Variants in ACTR3C observed in about 807,000 individuals in gnomAD.
ACTR3C encodes actin-related protein 3C.
A neutral mutation model predicts 26.3 loss-of-function variants in ACTR3C; 18 were observed. The observed-to-expected ratio is 0.68, with a 90% confidence interval of 0.47 to 1.01. The LOEUF (loss-of-function observed/expected upper bound fraction) is 1.01, where lower values mean the gene tolerates loss of function less well. Among genes scored for constraint, ACTR3C ranks in the 50% least tolerant of loss-of-function variants. The probability of loss-of-function intolerance (pLI) is 0.00; values close to 1 mark genes in which losing one functional copy is unlikely to be tolerated. For synonymous variants in ACTR3C, 55 were observed against 94.5 expected, an observed-to-expected ratio of 0.58 and a Z score of 2.42; for missense variants, 184 against 250.7, an observed-to-expected ratio of 0.73 and a Z score of 1.80.
At chr7:149,992,960 G>T in the ACTR3C span, among the ~76,000 whole-genome samples, 2 of 152,018 alleles carry the variant, frequency 1.3e-5, no homozygotes, top group Admixed American at 6.6e-5. Flanking sequence ...TAGCATAAGT[G>T]CCAGAGTCCA....
the ACTR3C span, among the ~76,000 whole-genome samples, chr7:150,113,245 CA>C: frequency 0.19 from 22,660 of 122,310 alleles, 1,720 homozygotes; most frequent in African/African-American, 0.21. Context: ...TTTCTGAGGG[CA>C]AAAAAAAAAA....
intron 6 of ACTR3C, among the ~76,000 whole-genome samples, chr7:150,263,679 A>G (rs1833820704): frequency 6.6e-6 from 1 of 152,124 alleles, no homozygotes; most frequent in Non-Finnish European, 1.5e-5. Flanking sequence ...TATACCTAGA[A>G]ATATGAGACT....
rs1336515635 is a variant in ACTR3C, at chr7:150,249,065, G to A, written c.565-11C>T. 1 of 666,906 alleles carries A rather than the reference G, an allele frequency of 1.5e-6. No individual in the cohort carries two copies. The highest frequency in any genetic ancestry group is 1.6e-5 in the South Asian group (1 of 60,696). 41.3% of individuals were successfully genotyped at this position (666,906 alleles called of 1,614,324 possible). On this transcript the variant is annotated splice_polypyrimidine_tract_variant and intron_variant, in intron 6 of 7. Transcript: ENST00000683684. ...TGGAATTTGTTCCATCTGAAAAACA[G>A]AGAAAACAGTTATAGGGCAGCAGAG...
At chr7:150,040,316 A>ATCTTT in the ACTR3C span, among the ~76,000 whole-genome samples, 1 of 146,802 alleles carries the variant, frequency 6.8e-6, no homozygotes, top group Non-Finnish European at 1.5e-5. Flanking sequence ...TCCAGCTGCC[A>ATCTTT]TCTTTTCTCT....
rs992026744 is a variant in ACTR3C, at chr7:150,282,939, C to T, written c.564+1814G>A. 2.0e-4 allele frequency among the ~76,000 whole-genome samples: 30 copies of T among 148,894 alleles called. 1 individual carries two copies. The highest frequency in any genetic ancestry group is 6.8e-4 in the African/African-American group (26 of 38,388). Reference sequence around the variant, plus strand: ...GGAAAAGCATGAGTTTTCAAAGATGCGGGAAACGGGCTTAAAAGCCAACCG... The same window carrying T: ...GGAAAAGCATGAGTTTTCAAAGATGTGGGAAACGGGCTTAAAAGCCAACCG... On this transcript the variant is annotated intron_variant, in intron 6 of 7. Transcript: ENST00000683684.
At chr7:149,977,419 C>T in the ACTR3C span, among the ~76,000 whole-genome samples, 2 of 152,208 alleles carry the variant, frequency 1.3e-5, no homozygotes, top group African/African-American at 4.8e-5. Context: ...CTTTTTTAAA[C>T]CCCTGTCTTC....
chr7:150,023,209 CTA>C, the ACTR3C span, among the ~76,000 whole-genome samples: 32 of 142,994 alleles, frequency 2.2e-4, no homozygotes, highest in South Asian at 8.9e-4. Flanking sequence ...ATATATATCT[CTA>C]TATCTCTATA....
At chr7:150,005,756 C>T in the ACTR3C span, among the ~76,000 whole-genome samples, 216 of 152,070 alleles carry the variant, frequency 1.4e-3, 1 homozygote, top group South Asian at 0.028. Context: ...TGTTATACTG[C>T]GAGAGACTTT....
chr7:150,009,948 C>T, the ACTR3C span, among the ~76,000 whole-genome samples: 1 of 152,254 alleles, frequency 6.6e-6, no homozygotes, highest in African/African-American at 2.4e-5. Context: ...TTGAAAAGCA[C>T]AGTTCAGCTC....
chr7:149,955,578 G>A, the ACTR3C span, among the ~76,000 whole-genome samples: 13 of 152,048 alleles, frequency 8.5e-5, no homozygotes, highest in Non-Finnish European at 1.2e-4. Flanking sequence ...AGGTGCATAC[G>A]GTGTTTTTGC....
At chr7:150,237,083 A>G in the ACTR3C span, among the ~76,000 whole-genome samples, 1 of 151,564 alleles carries the variant, frequency 6.6e-6, no homozygotes, top group Non-Finnish European at 1.5e-5. Flanking sequence ...TTTACTGTTA[A>G]AACATCTACA....
the ACTR3C span, among the ~76,000 whole-genome samples, chr7:150,222,580 C>T: frequency 3.9e-5 from 6 of 152,308 alleles, no homozygotes; most frequent in East Asian, 9.6e-4. Flanking sequence ...TTTTCCTTCT[C>T]CCACTTTGAC....
At chr7:150,287,382 G>T (rs1245218266) in intron 4 of ACTR3C, among the ~76,000 whole-genome samples, 1 of 150,820 alleles carries the variant, frequency 6.6e-6, no homozygotes, top group Non-Finnish European at 1.5e-5. Context: ...CTGCTGCTGC[G>T]AGAGAAGTCG....
the ACTR3C span, among the ~76,000 whole-genome samples, chr7:150,033,373 C>G: frequency 6.6e-6 from 1 of 152,260 alleles, no homozygotes; most frequent in South Asian, 2.1e-4. Context: ...GGAGGCTTCC[C>G]GAGACTCATG....
chr7:149,966,781 C>T, the ACTR3C span, among the ~76,000 whole-genome samples: 1 of 152,174 alleles, frequency 6.6e-6, no homozygotes, highest in African/African-American at 2.4e-5. Flanking sequence ...ACACCCCTCA[C>T]TAGTTCCTCT....
At chr7:150,114,488 TAGAA>T in the ACTR3C span, among the ~76,000 whole-genome samples, 1 of 151,832 alleles carries the variant, frequency 6.6e-6, no homozygotes, top group African/African-American at 2.4e-5. Flanking sequence ...TTAAAAAAAA[TAGAA>T]AGATAGCTTC....
At chr7:150,168,701 C>T in the ACTR3C span, among the ~76,000 whole-genome samples, 7 of 150,628 alleles carry the variant, frequency 4.6e-5, no homozygotes, top group East Asian at 3.9e-4. Context: ...TTTACTTAGG[C>T]GTCCTCCACA....
chr7:149,887,734 A>G, the ACTR3C span, among the ~76,000 whole-genome samples: 3 of 152,174 alleles, frequency 2.0e-5, no homozygotes, highest in Non-Finnish European at 4.4e-5. Flanking sequence ...CCCCCACCCA[A>G]ATCTCAACTT....
the ACTR3C span, among the ~76,000 whole-genome samples, chr7:149,922,949 T>G: frequency 6.8e-6 from 1 of 146,078 alleles, no homozygotes; most frequent in Non-Finnish European, 1.5e-5. Context: ...CTAATAATTT[T>G]TATTAATTAG....
Sources: gnomAD v4.1 joint callset for allele counts (sites outside exome capture counted in the v4.1 genomes callset) on GRCh38, gnomAD v4.1.1 for gene constraint, MANE v1.5 for transcripts, NCBI Gene and HGNC (gene_info 2026-07-23, HGNC 2026-07-21) for gene names.